Variants in FAT3 observed in about 807,000 individuals in gnomAD.
The protein encoded by FAT3 is protocadherin Fat 3.
In FAT3, 95 loss-of-function variants were observed where a neutral mutation model predicts 310.2. That is an observed-to-expected ratio of 0.31 (90% CI 0.26 to 0.36). The LOEUF is 0.36. Among genes scored for constraint, FAT3 ranks in the 10% least tolerant of loss-of-function variants. The pLI is 1.00. For missense variants in FAT3, 5,408 were observed against 5,715.6 expected, an observed-to-expected ratio of 0.95 and a Z score of 1.74; for synonymous variants, 2,314 against 2,192.9, an observed-to-expected ratio of 1.06 and a Z score of -1.54.
At chr11:92,337,114 A>G (rs1948106828) in intron 1 of FAT3, among the ~76,000 whole-genome samples, 1 of 152,210 alleles carries the variant, frequency 6.6e-6, no homozygotes, top group African/African-American at 2.4e-5. Flanking sequence ...GTTAGCTTAG[A>G]TAACATAGCA....
At chr11:92,407,698 G>A (rs1950162341) in intron 2 of FAT3, among the ~76,000 whole-genome samples, 1 of 152,052 alleles carries the variant, frequency 6.6e-6, no homozygotes, top group African/African-American at 2.4e-5. Context: ...ATGACTTTGG[G>A]GTCATAAATG....
intron 21 of FAT3, among the ~76,000 whole-genome samples, chr11:92,864,965 G>A (rs961430541): frequency 5.3e-5 from 8 of 152,204 alleles, no homozygotes; most frequent in Non-Finnish European, 7.3e-5. Context: ...ATTCTGCAGT[G>A]GACAGAGTAG....
At chr11:92,293,038 AAGGAAGGAAGGAAG>A (rs1946732602) in intron 1 of FAT3, among the ~76,000 whole-genome samples, 1 of 129,012 alleles carries the variant, frequency 7.8e-6, no homozygotes, top group African/African-American at 3.0e-5. Flanking sequence ...GGAAGGAAGG[AAGGAAGGAAGGAAG>A]GAAGGAAGGA....
intron 3 of FAT3, among the ~76,000 whole-genome samples, chr11:92,534,050 C>T (rs1954166792): frequency 6.6e-6 from 1 of 152,174 alleles, no homozygotes; most frequent in Admixed American, 6.5e-5. Flanking sequence ...TTCTTCTGTT[C>T]TGTGGGAAAC....
intron 1 of FAT3, among the ~76,000 whole-genome samples, chr11:92,268,490 A>G (rs1946030133): frequency 1.3e-5 from 2 of 151,818 alleles, no homozygotes; most frequent in African/African-American, 4.8e-5. Context: ...TTTAATTTTT[A>G]AAAGATAAAA....
At chr11:92,722,357 C>G (rs1184209330) in intron 4 of FAT3, among the ~76,000 whole-genome samples, 1 of 152,210 alleles carries the variant, frequency 6.6e-6, no homozygotes, top group Admixed American at 6.5e-5. Context: ...TGTCTCATAT[C>G]CAGGTCATGC....
In FAT3 at chr11:92,857,229, G is replaced by A. The variant is rs373996667; in HGVS notation, c.11381G>A (p.Gly3794Glu). ...RCTCNGGLCP[G>E]SNDPCVEKPC... ...TTTGTCACAGGAGGACTGTGTCCGG[G>A]GTCCAACGATCCTTGTGTGGAGAAG... The change falls in exon 20 of 28, where the codon GGG becomes GAG. Residue 3794 changes from glycine to glutamate, a missense_variant. Transcript: ENST00000525166. The A allele has an allele frequency of 9.9e-6, 16 of 1,613,828 alleles. No homozygotes were observed. Among genetic ancestry groups the A allele is most frequent in the Non-Finnish European group, 1.4e-5 (16 of 1,179,894 alleles).
At chr11:92,322,972 AT>A (rs111874798) in intron 1 of FAT3, among the ~76,000 whole-genome samples, 1 of 151,862 alleles carries the variant, frequency 6.6e-6, no homozygotes, top group Non-Finnish European at 1.5e-5. Context: ...TAGAATGATG[AT>A]TTTTTTCTCC....
chr11:92,849,650 G>A (rs929045386), intron 19 of FAT3, among the ~76,000 whole-genome samples: 2 of 152,198 alleles, frequency 1.3e-5, no homozygotes, highest in African/African-American at 2.4e-5. Flanking sequence ...CATAAAGGAG[G>A]GAGTTATCAG....
At chr11:92,564,088 T>A (rs1955341068) in intron 3 of FAT3, among the ~76,000 whole-genome samples, 1 of 152,088 alleles carries the variant, frequency 6.6e-6, no homozygotes, top group African/African-American at 2.4e-5. Flanking sequence ...AGACACAGAC[T>A]GGCAAGTTGG....
chr11:92,696,406 C>T (rs183425205), intron 3 of FAT3, among the ~76,000 whole-genome samples: 45 of 152,258 alleles, frequency 3.0e-4, no homozygotes, highest in African/African-American at 1.1e-3. Flanking sequence ...CTCCCACCCA[C>T]CACTTCTGTA....
At chr11:92,829,185 C>T (rs1948175856) in intron 13 of FAT3, among the ~76,000 whole-genome samples, 1 of 152,230 alleles carries the variant, frequency 6.6e-6, no homozygotes, top group South Asian at 2.1e-4. Flanking sequence ...TGTTGTTCCT[C>T]ATGCCTACCT....
At chr11:92,278,944 C>T (rs1191935166) in intron 1 of FAT3, among the ~76,000 whole-genome samples, 2 of 152,068 alleles carry the variant, frequency 1.3e-5, no homozygotes, top group Non-Finnish European at 1.5e-5. Context: ...GTGGCTTCTC[C>T]TCCTCTGGTG....
chr11:92,629,965 T>A (rs79945756), intron 3 of FAT3, among the ~76,000 whole-genome samples: 4,215 of 152,250 alleles, frequency 0.028, 73 homozygotes, highest in African/African-American at 0.054. Context: ...CCCAAATCTT[T>A]GTTTTTTTTA....
In FAT3 at chr11:92,801,257, A is replaced by G. The variant is rs1392969417; in HGVS notation, c.8244A>G (p.Pro2748=). The G allele has an allele frequency of 7.4e-6, 12 of 1,613,890 alleles. No homozygotes were observed. The highest frequency in any genetic ancestry group is 9.3e-6 in the Non-Finnish European group (11 of 1,179,848). Reference sequence around the variant, plus strand: ...TCAGCACAGTTAATGGGGAACGGCCAGAAAATAACAAAGGGGGCATATTCG... The same window carrying G: ...TCAGCACAGTTAATGGGGAACGGCCGGAAAATAACAAAGGGGGCATATTCG... ...VWFSTVNGER[P]ENNKGGIFVI... is the part of the protein sequence containing the mutation. The change falls in exon 10 of 28, where the codon CCA becomes CCG. Residue 2748 remains proline, a synonymous_variant. Coordinates refer to ENST00000525166, the MANE Select transcript of FAT3 (RefSeq NM_001367949.2).
intron 3 of FAT3, among the ~76,000 whole-genome samples, chr11:92,598,253 G>C (rs1423012266): frequency 1.5e-5 from 2 of 134,542 alleles, no homozygotes; most frequent in African/African-American, 3.0e-5. Context: ...TTGAGACAAA[G>C]TCTCACTCTG....
intron 3 of FAT3, among the ~76,000 whole-genome samples, chr11:92,625,488 C>T (rs1216354254): frequency 2.1e-4 from 32 of 152,164 alleles, no homozygotes; most frequent in Admixed American, 2.1e-3. Flanking sequence ...CTGAGGCCTG[C>T]AACACCAGCC....
intron 3 of FAT3, among the ~76,000 whole-genome samples, chr11:92,685,243 A>C (rs577537216): frequency 6.6e-6 from 1 of 152,350 alleles, no homozygotes; most frequent in Non-Finnish European, 1.5e-5. Flanking sequence ...TACATATCAA[A>C]AAGAATCAAG....
intron 2 of FAT3, among the ~76,000 whole-genome samples, chr11:92,387,362 CA>C (rs1171283199): frequency 4.6e-5 from 7 of 151,858 alleles, no homozygotes; most frequent in African/African-American, 1.7e-4. Flanking sequence ...CTGGGAGTGA[CA>C]AGATCAAATC....
Sources: allele counts gnomAD v4.1 joint callset (sites outside exome capture counted in the v4.1 genomes callset), GRCh38; gene constraint gnomAD v4.1.1; transcripts MANE v1.5; gene names NCBI Gene and HGNC (gene_info 2026-07-23, HGNC 2026-07-21).